The following EIF2B5 variants were observed in gnomAD, a reference collection of about 807,000 sequenced individuals.
The protein encoded by EIF2B5 is eukaryotic translation initiation factor 2B subunit epsilon.
Under a neutral mutation model 87.3 loss-of-function variants are expected in EIF2B5, and 38 were observed. The observed-to-expected ratio is 0.44, with a 90% confidence interval of 0.34 to 0.57. The LOEUF (loss-of-function observed/expected upper bound fraction) is 0.57, where lower values mean the gene tolerates loss of function less well. EIF2B5 is among the 20% of genes least tolerant of loss of function. The pLI is 0.02. For synonymous variants in EIF2B5, 313 were observed against 339.6 expected (o/e 0.92, Z 0.86); for missense variants, 784 against 909.5 (o/e 0.86, Z 1.78).
intron 12 of EIF2B5, 149 bp from the exon 13 acceptor site, chr3:184,143,293 T>G: frequency 2.0e-6 from 3 of 1,483,778 alleles, no homozygotes; most frequent in Non-Finnish European, 2.8e-6. Context: ...CATTATTAAG[T>G]TCTAGCCTCA....
Position 184,142,608 on chromosome 3 carries a change from G to A in EIF2B5, c.1546+5G>A. 6.2e-7 allele frequency: 1 copy of A among 1,612,790 alleles called. No homozygotes were observed. Among genetic ancestry groups the A allele is most frequent in the Non-Finnish European group, 8.5e-7 (1 of 1,179,282 alleles). On this transcript the variant is annotated splice_donor_5th_base_variant and intron_variant, in intron 10 of 15. Transcript: ENST00000648915. The surrounding 1 kb of genome is among the most constrained non-coding windows in gnomAD (Gnocchi z 5.0). ...AACTGCAGCAGAATCTGTGGGGTGA[G>A]CTAGGCCTGATGCCTGCCCTTCTCC...
At position 184,142,136 on chromosome 3, in the gene EIF2B5, G is replaced by A. The variant is rs1355210043; in HGVS notation, c.1302+66G>A. 1.9e-6 allele frequency: 3 copies of A among 1,613,834 alleles called. No homozygotes were observed. Among genetic ancestry groups the A allele is most frequent in the African/African-American group, 1.3e-5 (1 of 74,912 alleles). The stretch of plus-strand genomic sequence containing the variant: ...TGGCAGTCACACTGAGCCAGAAGGG[G>A]CATTATTTCCACCCATAATCCTGTC... On this transcript the variant is annotated intron_variant, in intron 8 of 15. Transcript: ENST00000648915. This position sits in a 1 kb window ranked among gnomAD's most constrained non-coding sequence, Gnocchi z 5.0.
chr3:184,138,909 A>G, intron 5 of EIF2B5: 1 of 282,678 alleles, frequency 3.5e-6, no homozygotes, highest in Non-Finnish European at 7.0e-6. Context: ...CAATCTGACC[A>G]CCTCAGCCTT....
intron 12 of EIF2B5, 129 bp from the exon 13 acceptor site, chr3:184,143,311 CTT>C: frequency 1.3e-6 from 2 of 1,533,402 alleles, no homozygotes; most frequent in South Asian, 2.3e-5. Context: ...TCAGCATAGA[CTT>C]TCTCCTTCCT....
Position 184,135,577 on chromosome 3 carries a change from T to C in EIF2B5, c.192T>C (p.Pro64=), listed in dbSNP as rs1445817382. The C allele has an allele frequency of 6.3e-7, 1 of 1,585,030 alleles. No individual in the cohort carries two copies. The highest frequency in any genetic ancestry group is 8.6e-7 in the Non-Finnish European group (1 of 1,167,168). ...TCTTCCCCATCTCCAAGGACCAGCC[T>C]CGGGTGAGCGCCGCGCACGCGAGCA... ...RRFFPISKDQ[P]RVLLPLANVA... Residue 64 remains proline, a synonymous_variant, in exon 1 of 16, where the codon CCT becomes CCC. Coordinates refer to ENST00000648915, the MANE Select transcript of EIF2B5 (RefSeq NM_003907.3).
Position 184,140,082 on chromosome 3 carries a change from G to A in EIF2B5, c.768G>A (p.Val256=), listed in dbSNP as rs150181888. Residue 256 remains valine, a splice_region_variant and synonymous_variant, in exon 6 of 16, where the codon GTG becomes GTA. Coordinates refer to ENST00000648915, the MANE Select transcript of EIF2B5 (RefSeq NM_003907.3). The part of the protein sequence containing the change: ...DCHISICSPQ[V]AQLFTDNFDY... The stretch of plus-strand genomic sequence containing the variant: ...CCCACTCCACTTCCCTTCCACAGGT[G>A]GCACAACTCTTTACAGACAACTTTG... The A allele has an allele frequency of 2.5e-6, 4 of 1,612,910 alleles. No individual in the cohort carries two copies. Among genetic ancestry groups the A allele is most frequent in the Middle Eastern group, 1.7e-4 (1 of 6,048 alleles).
chr3:184,142,548 GA>G lies in EIF2B5; in HGVS notation c.1494del (p.Ala499LeufsTer4). 6.2e-7 allele frequency: 1 copy of G among 1,614,128 alleles called. No individual in the cohort carries two copies. Among genetic ancestry groups the G allele is most frequent in the Non-Finnish European group, 8.5e-7 (1 of 1,180,032 alleles). ...GAGCTGCTGGCAAGGGCTACCTCTG[GA>G]AAGCTGCAGGCATGAACATGGAGGA... is the stretch of plus-strand genomic sequence containing the variant. The part of the protein sequence containing the change: ...VGAAGKGYLW[K>X]AAGMNMEEEE... On this transcript the variant is annotated frameshift_variant, in exon 10 of 16. Coordinates refer to ENST00000648915, the MANE Select transcript of EIF2B5 (RefSeq NM_003907.3). LOFTEE classifies it high-confidence loss of function. This position sits in a 1 kb window ranked among gnomAD's most constrained non-coding sequence, Gnocchi z 5.0.
At position 184,142,206 on chromosome 3, in the gene EIF2B5, C is replaced by T; in HGVS notation, c.1303-31C>T. 5.0e-6 allele frequency: 8 copies of T among 1,614,090 alleles called. No individual in the cohort carries two copies. The highest frequency in any genetic ancestry group is 6.8e-6 in the Non-Finnish European group (8 of 1,180,018). On this transcript the variant is annotated intron_variant, in intron 8 of 15. Coordinates refer to ENST00000648915, the MANE Select transcript of EIF2B5 (RefSeq NM_003907.3). This position sits in a 1 kb window ranked among gnomAD's most constrained non-coding sequence, Gnocchi z 5.0. ...ATCAGGATGCACTTTTCCTCCACACCCTAATGGTTCTGTGTTTTTTTTCCC... is the reference window on the plus strand; with the variant it reads ...ATCAGGATGCACTTTTCCTCCACACTCTAATGGTTCTGTGTTTTTTTTCCC...
rs768934621 is a variant in EIF2B5, at chr3:184,137,606, C to T, written c.321-14C>T. On this transcript the variant is annotated splice_polypyrimidine_tract_variant and intron_variant, in intron 2 of 15. Transcript: ENST00000648915. ...GCTTGATACACTCATTCCCCTCACCCTCCCTTCCTTTAGGAAGTCAAAGTG... is the reference window on the plus strand; with the variant it reads ...GCTTGATACACTCATTCCCCTCACCTTCCCTTCCTTTAGGAAGTCAAAGTG... The T allele has an allele frequency of 2.5e-6, 4 of 1,613,294 alleles. No individual in the cohort carries two copies. Among genetic ancestry groups the T allele is most frequent in the Non-Finnish European group, 3.4e-6 (4 of 1,179,408 alleles).
Position 184,143,527 on chromosome 3 carries a change from C to G in EIF2B5, c.1831C>G (p.Pro611Ala). 3 of 1,614,192 alleles carry G rather than the reference C, an allele frequency of 1.9e-6. No homozygotes were observed. The highest frequency in any genetic ancestry group is 2.5e-6 in the Non-Finnish European group (3 of 1,180,038). The change falls in exon 13 of 16, where the codon CCG becomes GCG. Residue 611 changes from proline to alanine, a missense_variant. Physicochemically the swap from Pro to Ala is conservative, Grantham distance 27 (BLOSUM62 -1). This residue lies in a region of EIF2B5 where 660 missense variants were observed against 789.5 expected (regional missense o/e 0.84). Transcript: ENST00000648915. ...LEFPLQQMDS[P>A]LDSSRYCALL... ...GTTCCCCCTGCAACAGATGGATTCC[C>G]CGCTTGACTCAAGCCGCTACTGTGC...
chr3:184,136,502 A>G (rs1404826296), intron 1 of EIF2B5, 110 bp from the exon 2 acceptor site: 1 of 1,419,594 alleles, frequency 7.0e-7, no homozygotes, highest in Non-Finnish European at 9.8e-7. Flanking sequence ...TTGGAAAGAT[A>G]CAGCAAAATT....
intron 5 of EIF2B5, among the ~76,000 whole-genome samples, 177 bp downstream of exon 5, chr3:184,138,423 C>G (rs1279963224): frequency 6.7e-6 from 1 of 149,956 alleles, no homozygotes; most frequent in East Asian, 2.0e-4. Flanking sequence ...GTGGTGTGAT[C>G]CCAGCTCACT....
chr3:184,142,663 G>A lies in EIF2B5; in HGVS notation c.1546+60G>A, dbSNP rs1335293668. 3.9e-6 allele frequency: 6 copies of A among 1,556,668 alleles called. No homozygotes were observed. Among genetic ancestry groups the A allele is most frequent in the Non-Finnish European group, 5.3e-6 (6 of 1,139,898 alleles). On this transcript the variant is annotated intron_variant, in intron 10 of 15. Transcript: ENST00000648915. This position sits in a 1 kb window ranked among gnomAD's most constrained non-coding sequence, Gnocchi z 5.0. ...GAATCGGAATATTTTGAAGGATAAT[G>A]AATACTTCAGAGTCACATTACTTAT...
At chr3:184,135,680 C>T (rs967918885) in intron 1 of EIF2B5, 100 bp downstream of exon 1, 6 of 1,450,124 alleles carry the variant, frequency 4.1e-6, no homozygotes, top group East Asian at 4.9e-5. Flanking sequence ...CTTGAAGGAC[C>T]TGCGTCTATG....
In EIF2B5 at chr3:184,142,196, T is replaced by C. The variant is rs940269923; in HGVS notation, c.1303-41T>C. ...TGCTCTCATTATCAGGATGCACTTT[T>C]CCTCCACACCCTAATGGTTCTGTGT... On this transcript the variant is annotated intron_variant, in intron 8 of 15. Transcript: ENST00000648915. This position sits in a 1 kb window ranked among gnomAD's most constrained non-coding sequence, Gnocchi z 5.0. 13 of 1,614,048 alleles carry C rather than the reference T, an allele frequency of 8.1e-6. No homozygotes were observed. The highest frequency in any genetic ancestry group is 1.1e-5 in the South Asian group (1 of 91,084).
chr3:184,142,533 C>T lies in EIF2B5; in HGVS notation c.1476C>T (p.Gly492=), dbSNP rs1248645161. The T allele has an allele frequency of 1.2e-6, 2 of 1,614,134 alleles. No homozygotes were observed. The highest frequency in any genetic ancestry group is 2.2e-5 in the South Asian group (2 of 91,066). Residue 492 remains glycine, a synonymous_variant, in exon 10 of 16, where the codon GGC becomes GGT. Coordinates refer to ENST00000648915, the MANE Select transcript of EIF2B5 (RefSeq NM_003907.3). This position sits in a 1 kb window ranked among gnomAD's most constrained non-coding sequence, Gnocchi z 5.0. ...GYNPAEVGAA[G]KGYLWKAAGM... Reference sequence around the variant, plus strand: ...ATCCAGCAGAAGTAGGAGCTGCTGGCAAGGGCTACCTCTGGAAAGCTGCAG... The same window carrying T: ...ATCCAGCAGAAGTAGGAGCTGCTGGTAAGGGCTACCTCTGGAAAGCTGCAG...
At position 184,143,067 on chromosome 3, in the gene EIF2B5, T is replaced by G; in HGVS notation, c.1670T>G (p.Val557Gly). Residue 557 changes from valine (V) to glycine (G), a missense_variant, in exon 12 of 16, where the codon GTT (valine) becomes GGT (glycine). Val to Gly is a moderately radical substitution (Grantham distance 109). Coordinates refer to ENST00000648915, the MANE Select transcript of EIF2B5 (RefSeq NM_003907.3). ...TTGATTTCAGTGTTCCAGAATGAAG[T>G]TTTAGGAACACTACAGCGGGGCAAA... The part of the protein sequence containing the change: ...MDDIKVFQNE[V>G]LGTLQRGKEE... 1 of 1,613,626 alleles carries G rather than the reference T, an allele frequency of 6.2e-7. No homozygotes were observed. The highest frequency in any genetic ancestry group is 8.5e-7 in the Non-Finnish European group (1 of 1,179,794).
chr3:184,138,056 G>A lies in EIF2B5; in HGVS notation c.665G>A (p.Arg222Gln), dbSNP rs773051587. The A allele has an allele frequency of 3.4e-5, 55 of 1,614,124 alleles. No individual in the cohort carries two copies. Among genetic ancestry groups the A allele is most frequent in the Non-Finnish European group, 4.2e-5 (50 of 1,180,042 alleles). ...VLHFQKTQGL[R>Q]RFAFPLSLFQ... ...CATTTTCAGAAGACCCAGGGTCTCC[G>A]GCGTTTTGCATTTCCTCTGGTGTGT... Residue 222 changes from arginine (R) to glutamine (Q), a missense_variant, in exon 4 of 16, where the codon CGG (arginine) becomes CAG (glutamine). Around this residue, in one of 3 missense-constraint regions of EIF2B5, gnomAD observed 660 missense variants for 789.5 expected, o/e 0.84. Coordinates refer to ENST00000648915, the MANE Select transcript of EIF2B5 (RefSeq NM_003907.3).
Position 184,137,701 on chromosome 3 carries a change from C to T in EIF2B5, c.402C>T (p.Val134=). 1 of 1,614,190 alleles carries T rather than the reference C, an allele frequency of 6.2e-7. No individual in the cohort carries two copies. The highest frequency in any genetic ancestry group is 2.2e-5 in the East Asian group (1 of 44,888). ...AGCTCTATCGATCACTGGGAGATGT[C>T]CTCCGTGATGTTGATGCCAAGGCTT... ...TSELYRSLGD[V]LRDVDAKALV... is the part of the protein sequence containing the mutation. Residue 134 remains valine, a synonymous_variant, in exon 3 of 16, where the codon GTC becomes GTT. Transcript: ENST00000648915.
Sources: allele counts gnomAD v4.1 joint callset (sites outside exome capture counted in the v4.1 genomes callset), GRCh38; gene constraint gnomAD v4.1.1; regional missense constraint gnomAD v4.1.1; non-coding constraint Gnocchi (gnomAD v3.1); transcripts MANE v1.5; gene names NCBI Gene and HGNC (gene_info 2026-07-23, HGNC 2026-07-21).